Variants in PDLIM2 observed in about 807,000 individuals in gnomAD.
The protein encoded by PDLIM2 is PDZ and LIM domain protein 2.
PDLIM2 carries 51 observed loss-of-function variants against 54.1 expected under a neutral mutation model. That is an observed-to-expected ratio of 0.94 (90% CI 0.75 to 1.19). The LOEUF is 1.19. PDLIM2 is among the 50% of genes most tolerant of loss of function. PDLIM2 has a pLI of 0.00. For missense variants in PDLIM2, 912 were observed against 874.0 expected (o/e 1.04, Z -0.55); for synonymous variants, 398 against 385.6 (o/e 1.03, Z -0.38).
chr8:22,584,917 C>T (rs1800327170), intron 4 of PDLIM2, 27 bp downstream of exon 3: 1 of 1,614,004 alleles, frequency 6.2e-7, no homozygotes, highest in East Asian at 2.2e-5. Flanking sequence ...CCCTGACAGC[C>T]TCAGCACCCT....
Position 22,589,955 on chromosome 8 carries a change from G to A in PDLIM2, c.1513+214G>A, listed in dbSNP as rs1232069500. 2.3e-5 allele frequency: 14 copies of A among 609,088 alleles called. 1 individual carries two copies. Among genetic ancestry groups the A allele is most frequent in the Non-Finnish European group, 3.7e-5 (13 of 353,080 alleles). 37.7% of individuals were successfully genotyped at this position (609,088 alleles called of 1,614,324 possible). A position where few individuals can be genotyped will look rare whatever the true frequency, so the allele number is the denominator to read the frequency against. ...GGAGGGTCACCAGCGTGCTCCCACAGAGTAGTGGGCAGTAGCCAGCTGGGA... is the reference window on the plus strand; with the variant it reads ...GGAGGGTCACCAGCGTGCTCCCACAAAGTAGTGGGCAGTAGCCAGCTGGGA... On this transcript the variant is annotated intron_variant, in intron 8 of 9. Transcript: ENST00000308354.
chr8:22,589,165 G>A, intron 6 of PDLIM2, 133 bp from the exon 6 acceptor site: 1 of 837,632 alleles, frequency 1.2e-6, no homozygotes, highest in South Asian at 1.5e-5. Flanking sequence ...AAGGGAAGGG[G>A]CAGGGGTCCG....
Position 22,589,326 on chromosome 8 carries a change from C to T in PDLIM2, c.1319C>T (p.Ala440Val), listed in dbSNP as rs956237110. The T allele has an allele frequency of 3.8e-5, 59 of 1,534,216 alleles. No individual in the cohort carries two copies. The highest frequency in any genetic ancestry group is 5.1e-5 in the Non-Finnish European group (59 of 1,146,432). Residue 440 changes from alanine to valine, a missense_variant, in exon 7 of 10, where the codon GCG (alanine) becomes GTG (valine). Transcript: ENST00000308354. ...GGCCTCGGCCGCGCTGGCGACTCGG[C>T]GGTGCTGGTGCTGCCGCCTTCCCCG...
chr8:22,594,739 G>GGGA, downstream of PDLIM2: 1 of 1,500,930 alleles, frequency 6.7e-7, no homozygotes, highest in Non-Finnish European at 8.9e-7. Context: ...CTTCTTTCCT[G>GGGA]GGAGAGACTG....
chr8:22,591,222 C>G (rs970651559), intron 8 of PDLIM2: 19 of 350,632 alleles, frequency 5.4e-5, no homozygotes, highest in Non-Finnish European at 9.6e-5. Flanking sequence ...GCATTGCGCT[C>G]CTGTTGCCAT....
Position 22,589,384 on chromosome 8 carries a change from G to A in PDLIM2, c.1367+10G>A. 1 of 1,535,682 alleles carries A rather than the reference G, an allele frequency of 6.5e-7. No homozygotes were observed. The highest frequency in any genetic ancestry group is 1.2e-5 in the South Asian group (1 of 83,776). ...GTTCCTCCAGGCCCAGGTACCAGCA[G>A]GCCCCGGAGGGTCGGGTTGGGGTCT... is the stretch of plus-strand genomic sequence containing the variant. On this transcript the variant is annotated intron_variant, in intron 7 of 9. Coordinates refer to ENST00000308354, the Ensembl canonical transcript of PDLIM2.
At chr8:22,591,691 G>A (rs756919590) in intron 9 of PDLIM2, 23 bp downstream of exon 8, 2 of 1,587,864 alleles carry the variant, frequency 1.3e-6, no homozygotes, top group East Asian at 4.5e-5. Flanking sequence ...GGGGGTGGGG[G>A]ACCTGAGCCT....
At chr8:22,593,682 C>A (rs1800615975) in intron 9 of PDLIM2, 51 bp from the exon 9 acceptor site, 1 of 1,507,882 alleles carries the variant, frequency 6.6e-7, no homozygotes, top group Non-Finnish European at 8.9e-7. Context: ...GGCATGGTGG[C>A]CTCCTGCTTG....
downstream of PDLIM2, chr8:22,597,134 G>A (rs891939637): frequency 2.6e-5 from 4 of 152,284 alleles, no homozygotes; most frequent in African/African-American, 9.6e-5. Flanking sequence ...CTGAAGCCAG[G>A]ACTTCCCCAT....
chr8:22,589,111 C>T lies in PDLIM2; in HGVS notation c.1291-187C>T, dbSNP rs530852374. 6.5e-3 allele frequency: 3,305 copies of T among 507,982 alleles called. 18 individuals carry two copies. The highest frequency in any genetic ancestry group is 8.8e-3 in the Non-Finnish European group (2,428 of 275,612). The allele number at this position is 507,982 out of a possible 1,614,324, so 31.5% of individuals were successfully genotyped here. ...TGGCTCCGAGGGAAGGGGCAGGGGG[C>T]CCGCTGGTCGGCGAGGGCTGGGAGC... is the stretch of plus-strand genomic sequence containing the variant. On this transcript the variant is annotated intron_variant, in intron 6 of 9. Coordinates refer to ENST00000308354, the Ensembl canonical transcript of PDLIM2.
exon 1 of PDLIM2, chr8:22,579,040 G>T: frequency 8.1e-7 from 1 of 1,240,848 alleles, no homozygotes; most frequent in Non-Finnish European, 1.0e-6. Flanking sequence ...GCGCGGAGGC[G>T]GCGGCTTCTC....
chr8:22,594,591 AGGGCGCCAAGCGGAG>A, downstream of PDLIM2: 1 of 1,614,020 alleles, frequency 6.2e-7, no homozygotes. Flanking sequence ...GGGATGGTGG[AGGGCGCCAAGCGGAG>A]GGACAGGAGG....
intron 3 of PDLIM2, among the ~76,000 whole-genome samples, chr8:22,583,089 G>C (rs1468859921): frequency 6.6e-6 from 1 of 152,062 alleles, no homozygotes; most frequent in Non-Finnish European, 1.5e-5. Context: ...TCTAGAGGCA[G>C]CCTCACGGCC....
In PDLIM2 at chr8:22,589,391, G is replaced by C; in HGVS notation, c.1367+17G>C. On this transcript the variant is annotated intron_variant, in intron 7 of 9. Coordinates refer to ENST00000308354, the Ensembl canonical transcript of PDLIM2. The stretch of plus-strand genomic sequence containing the variant: ...CAGGCCCAGGTACCAGCAGGCCCCG[G>C]AGGGTCGGGTTGGGGTCTTGGAAGG... 6.5e-7 allele frequency: 1 copy of C among 1,536,244 alleles called. No individual in the cohort carries two copies. Among genetic ancestry groups the C allele is most frequent in the Non-Finnish European group, 8.7e-7 (1 of 1,146,042 alleles).
At chr8:22,595,932 G>A (rs1005975541), downstream of PDLIM2, 6 of 152,838 alleles carry the variant, frequency 3.9e-5, no homozygotes, top group Non-Finnish European at 8.7e-5. Context: ...GACTACAGGC[G>A]TGCACCACCA....
In PDLIM2 at chr8:22,591,545, C is replaced by T. The variant is rs1800547046; in HGVS notation, c.1514-6C>T. 1 of 1,613,008 alleles carries T rather than the reference C, an allele frequency of 6.2e-7. No homozygotes were observed. The highest frequency in any genetic ancestry group is 8.5e-7 in the Non-Finnish European group (1 of 1,179,426). ...CTCACCACATGTCTGTCTGCCCTGCCCCCAGGTGGCACGCCAGCCTTCTTG... is the reference window on the plus strand; with the variant it reads ...CTCACCACATGTCTGTCTGCCCTGCTCCCAGGTGGCACGCCAGCCTTCTTG... On this transcript the variant is annotated splice_region_variant and splice_polypyrimidine_tract_variant and intron_variant, in intron 8 of 9. Coordinates refer to ENST00000308354, the Ensembl canonical transcript of PDLIM2.
intron 1 of PDLIM2, chr8:22,580,587 G>T: frequency 6.2e-7 from 1 of 1,613,920 alleles, no homozygotes; most frequent in Non-Finnish European, 8.5e-7. Flanking sequence ...TCACCTCCTG[G>T]TCCTCTCTTC....
chr8:22,581,569 C>T, intron 3 of PDLIM2, 39 bp downstream of exon 2: 5 of 1,532,952 alleles, frequency 3.3e-6, no homozygotes, highest in South Asian at 2.5e-5. Flanking sequence ...GGCATTCCCC[C>T]TCCTCCACCA....
chr8:22,578,992 C>G (rs900029956), exon 1 of PDLIM2: 1 of 1,242,198 alleles, frequency 8.1e-7, no homozygotes, highest in Non-Finnish European at 1.0e-6. Context: ...CTCATCCCCC[C>G]GGCGGGCTCG....
Sources: gnomAD v4.1 joint callset for allele counts (sites outside exome capture counted in the v4.1 genomes callset) on GRCh38, gnomAD v4.1.1 for gene constraint, MANE v1.5 for transcripts, NCBI Gene and HGNC (gene_info 2026-07-23, HGNC 2026-07-21) for gene names.